The following NKAIN2 variants were observed in gnomAD, a reference collection of about 807,000 sequenced individuals.
NKAIN2 encodes sodium/potassium transporting ATPase interacting 2.
A neutral mutation model predicts 32.6 loss-of-function variants in NKAIN2; 14 were observed. The ratio of observed to expected loss-of-function variants is 0.43; its 90% CI spans 0.28 to 0.67. The LOEUF (loss-of-function observed/expected upper bound fraction) is 0.67, where lower values mean the gene tolerates loss of function less well. Among genes scored for constraint, NKAIN2 ranks in the 30% least tolerant of loss-of-function variants. NKAIN2 has a pLI of 0.17. For missense variants in NKAIN2, 198 were observed against 258.3 expected (o/e 0.77, Z 1.60); for synonymous variants, 80 against 87.2 (o/e 0.92, Z 0.46).
At chr6:124,784,929 T>A (rs1031202045) in intron 4 of NKAIN2, among the ~76,000 whole-genome samples, 2 of 152,154 alleles carry the variant, frequency 1.3e-5, no homozygotes, top group Non-Finnish European at 2.9e-5. Context: ...TTTAGATTTA[T>A]ACTGTTTGTG....
intron 1 of NKAIN2, among the ~76,000 whole-genome samples, chr6:123,857,720 A>T (rs1050164054): frequency 2.0e-5 from 3 of 150,642 alleles, no homozygotes; most frequent in African/African-American, 7.3e-5. Context: ...ATGTTTAAAT[A>T]ACTGATTTCT....
At chr6:124,426,246 T>C (rs1774976612) in intron 3 of NKAIN2, among the ~76,000 whole-genome samples, 1 of 152,186 alleles carries the variant, frequency 6.6e-6, no homozygotes, top group African/African-American at 2.4e-5. Context: ...ACTTTTCCAG[T>C]GGAAGAAAAT....
intron 1 of NKAIN2, among the ~76,000 whole-genome samples, chr6:123,913,227 G>A (rs771449332): frequency 4.6e-5 from 7 of 151,992 alleles, no homozygotes; most frequent in Non-Finnish European, 7.4e-5. Flanking sequence ...ACATTTTTGG[G>A]ATAGATTAAA....
intron 4 of NKAIN2, among the ~76,000 whole-genome samples, chr6:124,691,728 T>C (rs1204757101): frequency 6.6e-6 from 1 of 152,196 alleles, no homozygotes; most frequent in East Asian, 1.9e-4. Flanking sequence ...AAATGACCTA[T>C]TTGATTTTTC....
At chr6:124,325,553 T>C (rs1193903745) in intron 2 of NKAIN2, among the ~76,000 whole-genome samples, 1 of 152,030 alleles carries the variant, frequency 6.6e-6, no homozygotes, top group Non-Finnish European at 1.5e-5. Flanking sequence ...TCATAAAAAA[T>C]AATACAATAA....
At chr6:123,941,155 T>C (rs185650405) in intron 1 of NKAIN2, among the ~76,000 whole-genome samples, 5 of 151,974 alleles carry the variant, frequency 3.3e-5, no homozygotes, top group Non-Finnish European at 5.9e-5. Context: ...CCTTTATATC[T>C]TACACCACTG....
intron 3 of NKAIN2, among the ~76,000 whole-genome samples, chr6:124,400,366 T>C (rs1367891060): frequency 2.0e-5 from 3 of 152,170 alleles, no homozygotes; most frequent in Non-Finnish European, 1.5e-5. Flanking sequence ...ACGTTTTTCA[T>C]AGAACCAGTG....
Position 124,816,763 on chromosome 6 carries a change from A to G in NKAIN2, c.536-1624A>G, listed in dbSNP as rs562271599. 1.2e-3 allele frequency among the ~76,000 whole-genome samples: 189 copies of G among 152,318 alleles called. 2 individuals carry two copies. The highest frequency in any genetic ancestry group is 2.6e-4 in the Non-Finnish European group (18 of 68,028). On this transcript the variant is annotated intron_variant, in intron 5 of 6. Transcript: ENST00000368417. ...CAATAGAAGGAGATGCTAGGAAAGA[A>G]GTAATGGGTGTCCTAGGGCATTTTG...
chr6:124,665,471 AGCAGAAGGGG>A (rs1476582084), intron 4 of NKAIN2, among the ~76,000 whole-genome samples: 1 of 152,112 alleles, frequency 6.6e-6, no homozygotes, highest in African/African-American at 2.4e-5. Context: ...AATATATGGG[AGCAGAAGGGG>A]GCAGTACTCT....
At chr6:124,493,432 T>C (rs1484083666) in intron 3 of NKAIN2, among the ~76,000 whole-genome samples, 1 of 151,974 alleles carries the variant, frequency 6.6e-6, no homozygotes, top group Non-Finnish European at 1.5e-5. Context: ...TGAAAATAGA[T>C]TTTATCATGA....
At chr6:123,891,281 C>T (rs1308410849) in intron 1 of NKAIN2, among the ~76,000 whole-genome samples, 1 of 152,132 alleles carries the variant, frequency 6.6e-6, no homozygotes, top group Non-Finnish European at 1.5e-5. Context: ...TGATACAACA[C>T]TGTGAATGTA....
At chr6:124,361,339 A>G (rs1422833208) in intron 3 of NKAIN2, among the ~76,000 whole-genome samples, 1 of 152,090 alleles carries the variant, frequency 6.6e-6, no homozygotes, top group Non-Finnish European at 1.5e-5. Flanking sequence ...ACTTTTCTTC[A>G]TATTACTATT....
At chr6:124,725,982 A>G (rs1267648522) in intron 4 of NKAIN2, among the ~76,000 whole-genome samples, 2 of 152,198 alleles carry the variant, frequency 1.3e-5, no homozygotes, top group Non-Finnish European at 2.9e-5. Flanking sequence ...TCCCACCCGA[A>G]TACTGCGCTT....
intron 3 of NKAIN2, among the ~76,000 whole-genome samples, chr6:124,373,727 T>A (rs987008242): frequency 3.9e-5 from 6 of 152,046 alleles, no homozygotes; most frequent in Non-Finnish European, 8.8e-5. Flanking sequence ...GGAAGGATGA[T>A]AAATTGGATA....
rs115000705 is a variant in NKAIN2 at position 124,816,081 on chromosome 6, T to A, written c.536-2306T>A. On this transcript the variant is annotated intron_variant, in intron 5 of 6. Coordinates refer to ENST00000368417, the MANE Select transcript of NKAIN2 (RefSeq NM_001040214.3). ...TTTGGAAGAGAAGAGACATTCTGCCTTGGTAAAAGGGTTTCCCATGCAAAA... is the reference window on the plus strand; with the variant it reads ...TTTGGAAGAGAAGAGACATTCTGCCATGGTAAAAGGGTTTCCCATGCAAAA... Among the ~76,000 whole-genome samples the A allele has an allele frequency of 8.7e-3, 1,320 of 152,276 alleles. 14 individuals carry two copies. Among genetic ancestry groups the A allele is most frequent in the African/African-American group, 0.03 (1,237 of 41,546 alleles).
intron 4 of NKAIN2, among the ~76,000 whole-genome samples, chr6:124,742,021 G>A (rs1412599417): frequency 6.6e-6 from 1 of 151,606 alleles, no homozygotes; most frequent in African/African-American, 2.4e-5. Context: ...GTCAAGGCTG[G>A]GATACTGCCT....
intron 4 of NKAIN2, among the ~76,000 whole-genome samples, chr6:124,743,691 T>G (rs1164288392): frequency 6.6e-6 from 1 of 151,896 alleles, no homozygotes; most frequent in Non-Finnish European, 1.5e-5. Flanking sequence ...CCATGACCTT[T>G]ATAGGTGTGT....
intron 3 of NKAIN2, among the ~76,000 whole-genome samples, chr6:124,385,017 A>G (rs1426303740): frequency 6.6e-6 from 1 of 152,160 alleles, no homozygotes; most frequent in Admixed American, 6.6e-5. Context: ...TGAATCATTA[A>G]TTTCACTTTT....
At chr6:124,336,193 T>C (rs992629588) in intron 2 of NKAIN2, among the ~76,000 whole-genome samples, 4 of 152,166 alleles carry the variant, frequency 2.6e-5, no homozygotes, top group Admixed American at 2.0e-4. Context: ...AGAATCCTAA[T>C]TTGCTCCAGG....
Sources: gnomAD v4.1 joint callset for allele counts (sites outside exome capture counted in the v4.1 genomes callset) on GRCh38, gnomAD v4.1.1 for gene constraint, MANE v1.5 for transcripts, NCBI Gene and HGNC (gene_info 2026-07-23, HGNC 2026-07-21) for gene names.